The following TBC1D9 variants were observed in gnomAD, a reference collection of about 807,000 sequenced individuals.
TBC1D9 encodes the protein TBC1 domain family member 9, also known as TBC1 domain family member 9A.
TBC1D9 carries 63 observed loss-of-function variants against 132.0 expected under a neutral mutation model. The observed-to-expected ratio is 0.48, with a 90% CI of 0.39 to 0.59. TBC1D9 has a LOEUF of 0.59. TBC1D9 is among the 20% of genes least tolerant of loss of function. TBC1D9 has a pLI of 0.00. For synonymous variants in TBC1D9, 610 were observed against 609.9 expected (o/e 1.00, Z 0.00); for missense variants, 1,261 against 1,592.7 (o/e 0.79, Z 3.54).
At chr4:140,704,309 G>A (rs1407754735) in intron 1 of TBC1D9, among the ~76,000 whole-genome samples, 1 of 151,908 alleles carries the variant, frequency 6.6e-6, no homozygotes, top group Non-Finnish European at 1.5e-5. Flanking sequence ...GCTGAGGCAG[G>A]AGAACTGCTT....
chr4:140,678,869 G>T lies in TBC1D9; in HGVS notation c.851+73C>A, dbSNP rs1578837057. ...GAACCCTTGAAGATCGTCAGAGAAG[G>T]TTACACTGAATAAATGAATGAGTGA... is the stretch of plus-strand genomic sequence containing the variant. On this transcript the variant is annotated intron_variant, in intron 5 of 20. Coordinates refer to ENST00000442267, the MANE Select transcript of TBC1D9 (RefSeq NM_015130.3). The T allele has an allele frequency of 2.0e-6, 3 of 1,530,024 alleles. No individual in the cohort carries two copies. The East Asian group carries it at 6.7e-5, about 34-fold the overall frequency. 94.8% of individuals were successfully genotyped at this position (1,530,024 alleles called of 1,614,324 possible).
At chr4:140,670,958 T>A in intron 6 of TBC1D9, 32 bp from the exon 7 acceptor site, 1 of 1,599,060 alleles carries the variant, frequency 6.3e-7, no homozygotes, top group Non-Finnish European at 8.6e-7. Flanking sequence ...AGAGCATTAT[T>A]TTCCAAGAAT....
intron 13 of TBC1D9, among the ~76,000 whole-genome samples, chr4:140,646,868 TG>T: frequency 6.6e-6 from 1 of 152,308 alleles, no homozygotes; most frequent in Non-Finnish European, 1.5e-5. Context: ...TTCTCAACAA[TG>T]AAGATGCAAT....
At chr4:140,692,551 C>CA (rs1737892500) in intron 2 of TBC1D9, among the ~76,000 whole-genome samples, 1 of 152,044 alleles carries the variant, frequency 6.6e-6, no homozygotes, top group African/African-American at 2.4e-5. Context: ...GGGCAAAAGA[C>CA]AAAACCCAAA....
At chr4:140,649,162 A>T (rs999674894) in intron 13 of TBC1D9, among the ~76,000 whole-genome samples, 2 of 152,242 alleles carry the variant, frequency 1.3e-5, no homozygotes, top group African/African-American at 2.4e-5. Context: ...CTTAAAAAAC[A>T]CCCAGCAAAG....
At chr4:140,690,535 A>G (rs1382851083) in intron 2 of TBC1D9, among the ~76,000 whole-genome samples, 3 of 151,986 alleles carry the variant, frequency 2.0e-5, no homozygotes, top group African/African-American at 7.3e-5. Flanking sequence ...CTTGTGTCAC[A>G]TGAAAAGGCT....
chr4:140,643,448 G>A, intron 13 of TBC1D9: 5 of 929,730 alleles, frequency 5.4e-6, no homozygotes, highest in Non-Finnish European at 6.9e-6. Context: ...ACTGCTCAGA[G>A]CTTGCCTCTT....
At chr4:140,652,964 C>T (rs1737209900) in intron 13 of TBC1D9, among the ~76,000 whole-genome samples, 1 of 152,204 alleles carries the variant, frequency 6.6e-6, no homozygotes, top group African/African-American at 2.4e-5. Context: ...ACTTTAAGGC[C>T]TATTAACATC....
Position 140,669,036 on chromosome 4 carries a change from T to C in TBC1D9, c.1469A>G (p.Lys490Arg). ...AKEFLKEQAW[K>R]IHFAEYGQGI... Reference sequence around the variant, plus strand: ...TTGCCCATACTCAGCAAAGTGAATCTTCCAGGCTTGCTCTTTCAGAAACTC... The same window carrying C: ...TTGCCCATACTCAGCAAAGTGAATCCTCCAGGCTTGCTCTTTCAGAAACTC... The change falls in exon 9 of 21, where the codon AAG becomes AGG. Residue 490 changes from lysine (K) to arginine (R), a missense_variant. Transcript: ENST00000442267. The C allele has an allele frequency of 6.2e-7, 1 of 1,614,036 alleles. No homozygotes were observed. The highest frequency in any genetic ancestry group is 1.1e-5 in the South Asian group (1 of 91,082).
chr4:140,643,217 A>C, intron 13 of TBC1D9: 1 of 1,364,960 alleles, frequency 7.3e-7, no homozygotes, highest in African/African-American at 1.4e-5. Context: ...CCCGCTCCGC[A>C]CCTCCCACCT....
intron 13 of TBC1D9, chr4:140,644,502 G>C (rs1214583374): frequency 1.0e-5 from 3 of 296,316 alleles, no homozygotes; most frequent in African/African-American, 7.0e-5. Context: ...AGCCAGGCGG[G>C]GGGCTTTCGC....
rs563696399 is a variant in TBC1D9, at chr4:140,689,206, A to T, written c.242-2744T>A. The stretch of plus-strand genomic sequence containing the variant: ...GAGTCTGAGCCTCGGCTCAGCCAGG[A>T]TAATCTGGCTCTTGACTGGTATCTC... On this transcript the variant is annotated intron_variant, in intron 2 of 20. Transcript: ENST00000442267. Among the ~76,000 whole-genome samples the T allele has an allele frequency of 2.0e-5, 3 of 152,228 alleles. No individual in the cohort carries two copies. The East Asian group carries it at 5.8e-4, about 29-fold the overall frequency.
At position 140,756,200 on chromosome 4, in the gene TBC1D9, C is replaced by G. The variant is rs1318452893; in HGVS notation, c.-155G>C. On this transcript the variant is annotated 5_prime_UTR_variant, in exon 1 of 21. Transcript: ENST00000442267. The surrounding 1 kb of genome is among the most constrained non-coding windows in gnomAD (Gnocchi z 5.6). ...CGGCAGGCGACTTCAGGGGGTGGCC[C>G]GCGGCGTCCGGGCCACAACAAAGCC... 1.5e-5 allele frequency: 7 copies of G among 452,598 alleles called. No individual in the cohort carries two copies. The East Asian group carries it at 2.8e-4, about 18-fold the overall frequency. 28.0% of individuals were successfully genotyped at this position (452,598 alleles called of 1,614,324 possible).
At chr4:140,740,797 T>C (rs1738747474) in intron 1 of TBC1D9, among the ~76,000 whole-genome samples, 1 of 152,232 alleles carries the variant, frequency 6.6e-6, no homozygotes, top group African/African-American at 2.4e-5. Flanking sequence ...TGGCTGTCAA[T>C]TTCATCCAAA....
At chr4:140,640,825 T>C (rs890547735) in intron 13 of TBC1D9, among the ~76,000 whole-genome samples, 1 of 147,630 alleles carries the variant, frequency 6.8e-6, no homozygotes, top group African/African-American at 2.7e-5. Flanking sequence ...CAGTATCTAC[T>C]GACTGAACAT....
intron 3 of TBC1D9, among the ~76,000 whole-genome samples, chr4:140,680,607 T>A (rs2111019373): frequency 6.6e-6 from 1 of 152,282 alleles, no homozygotes; most frequent in African/African-American, 2.4e-5. Context: ...CCCTCCCGCC[T>A]CATCTTCATT....
Position 140,643,395 on chromosome 4 carries a change from G to A in TBC1D9, c.2338-3967C>T. The A allele has an allele frequency of 7.7e-6, 4 of 516,670 alleles. 1 individual carries two copies. Among genetic ancestry groups the A allele is most frequent in the Admixed American group, 1.1e-4 (2 of 17,528 alleles). The allele number at this position is 516,670 out of a possible 1,614,324, so 32.0% of individuals were successfully genotyped here. A position where few individuals can be genotyped will look rare whatever the true frequency, so the allele number is the denominator to read the frequency against. On this transcript the variant is annotated intron_variant, in intron 13 of 20. Transcript: ENST00000442267. ...AGGCCTGGCCTGGGGCAGCTCCATG[G>A]CCACCTCCATGCCAGCCAGTGGGTC...
chr4:140,626,229 C>T (rs1578812169), intron 18 of TBC1D9, among the ~76,000 whole-genome samples: 1 of 152,298 alleles, frequency 6.6e-6, no homozygotes, highest in East Asian at 1.9e-4. Context: ...AGACACTATG[C>T]AAAATGTCTT....
At chr4:140,632,082 C>G (rs113795973) in intron 16 of TBC1D9, among the ~76,000 whole-genome samples, 18 of 152,304 alleles carry the variant, frequency 1.2e-4, no homozygotes, top group African/African-American at 4.3e-4. Context: ...TCTAAATATT[C>G]TTTTCCAGTG....
Sources: allele counts gnomAD v4.1 joint callset (sites outside exome capture counted in the v4.1 genomes callset), GRCh38; gene constraint gnomAD v4.1.1; non-coding constraint Gnocchi (gnomAD v3.1); transcripts MANE v1.5; gene names NCBI Gene and HGNC (gene_info 2026-07-23, HGNC 2026-07-21).